TAFA5: variants seen among roughly 807,000 people sequenced by gnomAD.
The protein encoded by TAFA5 is TAFA chemokine like family member 5.
A neutral mutation model predicts 15.3 loss-of-function variants in TAFA5; 6 were observed. That is an observed-to-expected ratio of 0.39 (90% confidence interval 0.21 to 0.77). TAFA5 has a LOEUF of 0.77. Among genes scored for constraint, TAFA5 ranks in the 30% least tolerant of loss-of-function variants. TAFA5 has a pLI of 0.41. For missense variants in TAFA5, 161 were observed against 193.1 expected (o/e 0.83, Z 0.98); for synonymous variants, 103 against 80.7 (o/e 1.28, Z -1.48).
chr22:48,530,019 C>G lies in TAFA5; in HGVS notation c.112+40315C>G, dbSNP rs1328149579. On this transcript the variant is annotated intron_variant, in intron 1 of 3. Coordinates refer to ENST00000402357, the MANE Select transcript of TAFA5 (RefSeq NM_001082967.3). The surrounding 1 kb of genome is among the most constrained non-coding windows in gnomAD (Gnocchi z 6.0). ...GGGGCTGTGGGCCCTCTGGACACCC[C>G]CTGAGGACTGAGCTTGTGGCTGCAG... 8.5e-5 allele frequency among the ~76,000 whole-genome samples: 13 copies of G among 152,210 alleles called. No individual in the cohort carries two copies. The highest frequency in any genetic ancestry group is 4.1e-4 in the South Asian group (2 of 4,826).
At chr22:48,611,842 G>A (rs987873567) in intron 1 of TAFA5, among the ~76,000 whole-genome samples, 2 of 152,184 alleles carry the variant, frequency 1.3e-5, no homozygotes, top group Admixed American at 1.3e-4. Flanking sequence ...CAGTGCCTGG[G>A]GTGTGAGCCT....
intron 2 of TAFA5, among the ~76,000 whole-genome samples, chr22:48,680,504 G>A (rs1436890182): frequency 1.3e-5 from 2 of 151,962 alleles, no homozygotes; most frequent in Admixed American, 6.5e-5. Context: ...AGCACACTGA[G>A]AGGGGCCACC....
intron 1 of TAFA5, among the ~76,000 whole-genome samples, chr22:48,575,203 C>G (rs1923721922): frequency 6.6e-6 from 1 of 152,052 alleles, no homozygotes; most frequent in African/African-American, 2.4e-5. Flanking sequence ...TCCGGTCTCC[C>G]GCGCCAGCAG....
intron 1 of TAFA5, among the ~76,000 whole-genome samples, chr22:48,631,271 G>A (rs1259148156): frequency 6.6e-6 from 1 of 152,204 alleles, no homozygotes; most frequent in East Asian, 1.9e-4. Context: ...CCCCTGGCAG[G>A]AGCTGCAGCC....
intron 1 of TAFA5, among the ~76,000 whole-genome samples, chr22:48,527,929 C>T (rs181161291): frequency 5.3e-5 from 8 of 152,358 alleles, no homozygotes; most frequent in Middle Eastern, 3.4e-3. Flanking sequence ...TTCCCAGGCG[C>T]GCTCTTCTTC....
At chr22:48,638,818 G>A (rs367892256) in intron 1 of TAFA5, among the ~76,000 whole-genome samples, 203 of 89,320 alleles carry the variant, frequency 2.3e-3, no homozygotes, top group Middle Eastern at 9.8e-3. Flanking sequence ...GGGGGACCCC[G>A]ACACTAAGCC....
intron 1 of TAFA5, among the ~76,000 whole-genome samples, chr22:48,625,284 G>A (rs916534761): frequency 2.0e-5 from 3 of 152,186 alleles, no homozygotes; most frequent in African/African-American, 4.8e-5. Flanking sequence ...TGAATACACC[G>A]TGTGTAACCA....
At chr22:48,714,929 C>T (rs1347209001) in intron 3 of TAFA5, among the ~76,000 whole-genome samples, 1 of 152,200 alleles carries the variant, frequency 6.6e-6, no homozygotes, top group Non-Finnish European at 1.5e-5. Context: ...CACAGCAGTC[C>T]ATTCTCTGCA....
intron 2 of TAFA5, among the ~76,000 whole-genome samples, chr22:48,654,985 C>T (rs529818110): frequency 4.6e-5 from 7 of 152,260 alleles, no homozygotes; most frequent in Middle Eastern, 3.4e-3. Flanking sequence ...AGTCAGGCAG[C>T]GTGTGGTGGA....
intron 2 of TAFA5, among the ~76,000 whole-genome samples, chr22:48,662,578 C>T (rs1038355319): frequency 1.3e-5 from 2 of 152,140 alleles, no homozygotes; most frequent in Non-Finnish European, 2.9e-5. Context: ...GTATGTGCAG[C>T]GATGCTCTGT....
At chr22:48,743,945 A>G (rs1930253845) in intron 3 of TAFA5, among the ~76,000 whole-genome samples, 1 of 152,190 alleles carries the variant, frequency 6.6e-6, no homozygotes, top group Non-Finnish European at 1.5e-5. Context: ...GGCTTCAGTG[A>G]TCACACCAGT....
At chr22:48,729,316 A>AATAATTTTATATTTATTTATAAATAT (rs1929798660) in intron 3 of TAFA5, among the ~76,000 whole-genome samples, 1 of 94,338 alleles carries the variant, frequency 1.1e-5, no homozygotes, top group East Asian at 2.1e-4. Flanking sequence ...ATAAATATAT[A>AATAATTTTATATTTATTTATAAATAT]ATATTTTTAT....
intron 3 of TAFA5, among the ~76,000 whole-genome samples, chr22:48,748,809 C>T (rs1413662787): frequency 2.6e-5 from 4 of 152,146 alleles, no homozygotes; most frequent in African/African-American, 9.7e-5. Flanking sequence ...CCGCCCCTGG[C>T]TGAGTAAGGA....
chr22:48,527,866 G>A (rs1275972383), intron 1 of TAFA5, among the ~76,000 whole-genome samples: 1 of 152,208 alleles, frequency 6.6e-6, no homozygotes, highest in South Asian at 2.1e-4. Context: ...AGCCCGGCGC[G>A]AGGCTTCAGG....
intron 1 of TAFA5, among the ~76,000 whole-genome samples, chr22:48,616,071 G>T (rs1276294664): frequency 2.0e-5 from 3 of 152,026 alleles, no homozygotes. Context: ...GAGAAACACC[G>T]GCCTGGTGTG....
At chr22:48,685,078 T>G (rs1383815392) in intron 2 of TAFA5, among the ~76,000 whole-genome samples, 1 of 152,216 alleles carries the variant, frequency 6.6e-6, no homozygotes, top group Non-Finnish European at 1.5e-5. Context: ...AAGATGTACG[T>G]TGGTTTGGCC....
chr22:48,587,547 T>A (rs995785057), intron 1 of TAFA5, among the ~76,000 whole-genome samples: 2 of 152,126 alleles, frequency 1.3e-5, no homozygotes, highest in Non-Finnish European at 2.9e-5. Flanking sequence ...TTTGCTGCAT[T>A]TCTGTGGACT....
At chr22:48,710,121 T>C (rs533228431) in intron 3 of TAFA5, among the ~76,000 whole-genome samples, 2 of 152,140 alleles carry the variant, frequency 1.3e-5, no homozygotes, top group African/African-American at 4.8e-5. Flanking sequence ...GGTCTTCAGA[T>C]CTGCATGAAG....
intron 1 of TAFA5, among the ~76,000 whole-genome samples, chr22:48,491,975 G>A (rs1038896031): frequency 6.6e-6 from 1 of 152,144 alleles, no homozygotes; most frequent in South Asian, 2.1e-4. Flanking sequence ...TTTTATGGCT[G>A]TTTCCATCTC....
Sources: allele counts gnomAD v4.1 joint callset (sites outside exome capture counted in the v4.1 genomes callset), GRCh38; gene constraint gnomAD v4.1.1; non-coding constraint Gnocchi (gnomAD v3.1); transcripts MANE v1.5; gene names NCBI Gene and HGNC (gene_info 2026-07-23, HGNC 2026-07-21).